The following STARD6 variants were observed in gnomAD, a reference collection of about 807,000 sequenced individuals.
STARD6 encodes StAR related lipid transfer domain containing 6, also known as stAR-related lipid transfer protein 6.
STARD6 carries 21 observed loss-of-function variants against 22.3 expected under a neutral mutation model. That is an observed-to-expected ratio of 0.94 (90% CI 0.67 to 1.35). The LOEUF (loss-of-function observed/expected upper bound fraction) is 1.35. Ranked by LOEUF, STARD6 falls within the 40% of genes most tolerant of loss-of-function variation. STARD6 has a pLI of 0.00. For synonymous variants in STARD6, 80 were observed against 88.1 expected (o/e 0.91, Z 0.52); for missense variants, 269 against 266.9 (o/e 1.01, Z -0.05).
intron 4 of STARD6, among the ~76,000 whole-genome samples, chr18:54,339,849 CCTTT>C (rs1757680571): frequency 1.3e-5 from 2 of 152,170 alleles, no homozygotes; most frequent in South Asian, 2.1e-4. Context: ...TATTTCTTCC[CCTTT>C]CTTCTATTAA....
chr18:54,331,741 C>A lies in STARD6; in HGVS notation c.385+1G>T, dbSNP rs188859007. ...GATATGGGCAAAATGTTTCAACTTACAACTGATAATGTTCATATTTCCTTC... is the reference window on the plus strand; with the variant it reads ...GATATGGGCAAAATGTTTCAACTTAAAACTGATAATGTTCATATTTCCTTC... On this transcript the variant is annotated splice_donor_variant, in intron 6 of 7. Transcript: ENST00000307844. LOFTEE classifies it high-confidence loss of function. The A allele has an allele frequency of 1.3e-6, 2 of 1,598,796 alleles. No homozygotes were observed. The highest frequency in any genetic ancestry group is 1.3e-5 in the African/African-American group (1 of 74,766).
At chr18:54,353,864 T>G (rs1385131465) in intron 4 of STARD6, 190 bp downstream of exon 4, 1 of 381,820 alleles carries the variant, frequency 2.6e-6, no homozygotes, top group African/African-American at 2.1e-5. Flanking sequence ...TCATCAGATT[T>G]GAAAATAGAA....
At chr18:54,354,330 G>A (rs2089124261) in intron 3 of STARD6, 154 bp downstream of exon 3, 1 of 686,594 alleles carries the variant, frequency 1.5e-6, no homozygotes, top group South Asian at 2.0e-5. Flanking sequence ...CTGTGCTCAA[G>A]CAGTCCTCCT....
intron 4 of STARD6, among the ~76,000 whole-genome samples, chr18:54,338,622 A>G (rs1314331073): frequency 6.6e-6 from 1 of 151,212 alleles, no homozygotes; most frequent in African/African-American, 2.4e-5. Context: ...ATTTTACCTA[A>G]AACGTTGTTT....
At chr18:54,347,971 C>T (rs973379932) in intron 4 of STARD6, among the ~76,000 whole-genome samples, 17 of 152,148 alleles carry the variant, frequency 1.1e-4, no homozygotes, top group African/African-American at 3.1e-4. Flanking sequence ...ATATTGTTCT[C>T]GTGGTAGTGA....
chr18:54,347,843 T>C (rs570555275), intron 4 of STARD6, among the ~76,000 whole-genome samples: 5 of 152,238 alleles, frequency 3.3e-5, no homozygotes, highest in African/African-American at 1.2e-4. Flanking sequence ...TAACCTGTGA[T>C]ATGGGTTGGT....
chr18:54,344,583 TAAAA>T (rs55736082), intron 4 of STARD6, among the ~76,000 whole-genome samples: 2 of 94,094 alleles, frequency 2.1e-5, no homozygotes, highest in South Asian at 3.8e-4. Context: ...AAAAATAAAT[TAAAA>T]AAAAAAAAAA....
Position 54,331,879 on chromosome 18 carries a change from A to G in STARD6, c.268-20T>C. 6.7e-7 allele frequency: 1 copy of G among 1,503,582 alleles called. No individual in the cohort carries two copies. Among genetic ancestry groups the G allele is most frequent in the Non-Finnish European group, 9.2e-7 (1 of 1,085,620 alleles). The allele number at this position is 1,503,582 out of a possible 1,614,324, so 93.1% of individuals were successfully genotyped here. A position where few individuals can be genotyped will look rare whatever the true frequency, so the allele number is the denominator to read the frequency against. On this transcript the variant is annotated intron_variant, in intron 5 of 7. Coordinates refer to ENST00000307844, the MANE Select transcript of STARD6 (RefSeq NM_139171.2). Reference sequence around the variant, plus strand: ...TGTGTCCTGCAACAAATCAAACCGTAAAGATAACAAACGTTACTTAATATC... The same window carrying G: ...TGTGTCCTGCAACAAATCAAACCGTGAAGATAACAAACGTTACTTAATATC...
At chr18:54,341,542 T>C (rs1038850441) in intron 4 of STARD6, among the ~76,000 whole-genome samples, 9 of 152,184 alleles carry the variant, frequency 5.9e-5, no homozygotes, top group African/African-American at 2.2e-4. Context: ...ATAAAACAAG[T>C]CTCAAATTCA....
At chr18:54,354,150 G>GA in intron 3 of STARD6, 47 bp from the exon 4 acceptor site, 1 of 1,224,456 alleles carries the variant, frequency 8.2e-7, no homozygotes, top group Non-Finnish European at 1.1e-6. Flanking sequence ...TCAAATGCAG[G>GA]AAAAATGAAA....
In STARD6 at chr18:54,339,103, T is replaced by G. The variant is rs542150058; in HGVS notation, c.141-1852A>C. On this transcript the variant is annotated intron_variant, in intron 4 of 7. Coordinates refer to ENST00000307844, the MANE Select transcript of STARD6 (RefSeq NM_139171.2). ...AAACTCAAAGCAATGATTGTAAATA[T>G]GTTCAAAGAACTAACGAAAGCAGGA... Among the ~76,000 whole-genome samples the G allele has an allele frequency of 3.9e-5, 4 of 102,784 alleles. No homozygotes were observed. The East Asian group carries it at 1.0e-3, about 26-fold the overall frequency. The allele number at this position is 102,784 out of a possible 152,430, so 67.4% of individuals were successfully genotyped here.
chr18:54,324,720 C>CG lies in STARD6; in HGVS notation c.634dup (p.Arg212ProfsTer6). ...TGAATGACTATTATGATGAAATCCA[C>CG]GTCTTGATGGAGTTCTGTGTGCCTT... On this transcript the variant is annotated frameshift_variant, in exon 8 of 8. Transcript: ENST00000307844. LOFTEE classifies it low-confidence loss of function (END_TRUNC). 1 of 1,613,094 alleles carries CG rather than the reference C, an allele frequency of 6.2e-7. No homozygotes were observed. The highest frequency in any genetic ancestry group is 8.5e-7 in the Non-Finnish European group (1 of 1,179,536).
At chr18:54,338,249 C>A (rs1235121702) in intron 4 of STARD6, among the ~76,000 whole-genome samples, 3 of 152,178 alleles carry the variant, frequency 2.0e-5, no homozygotes, top group Admixed American at 6.5e-5. Flanking sequence ...GAAGGCTGCA[C>A]CCTCTGAGGA....
At chr18:54,343,397 C>T (rs1268882738) in intron 4 of STARD6, among the ~76,000 whole-genome samples, 5 of 143,554 alleles carry the variant, frequency 3.5e-5, no homozygotes, top group South Asian at 2.3e-4. Context: ...CCCGGCCAGC[C>T]GTGCCATCCG....
At chr18:54,343,397 C>A (rs1268882738) in intron 4 of STARD6, among the ~76,000 whole-genome samples, 1 of 143,646 alleles carries the variant, frequency 7.0e-6, no homozygotes, top group East Asian at 2.1e-4. Flanking sequence ...CCCGGCCAGC[C>A]GTGCCATCCG....
At chr18:54,342,359 A>G (rs2144682519) in intron 4 of STARD6, among the ~76,000 whole-genome samples, 2 of 152,252 alleles carry the variant, frequency 1.3e-5, no homozygotes, top group South Asian at 4.1e-4. Flanking sequence ...AAGAGGAGGA[A>G]ACATTTCCCA....
intron 6 of STARD6, among the ~76,000 whole-genome samples, chr18:54,331,251 G>A (rs1433370455): frequency 6.6e-6 from 1 of 152,060 alleles, no homozygotes; most frequent in Non-Finnish European, 1.5e-5. Context: ...TTACACATTT[G>A]CATTTTACAG....
At chr18:54,349,478 TA>T (rs1169581147) in intron 4 of STARD6, among the ~76,000 whole-genome samples, 3 of 152,124 alleles carry the variant, frequency 2.0e-5, no homozygotes, top group African/African-American at 7.2e-5. Flanking sequence ...GGGGCCCAGA[TA>T]GTTACCTGCA....
chr18:54,341,116 A>G (rs2088964614), intron 4 of STARD6, among the ~76,000 whole-genome samples: 1 of 152,104 alleles, frequency 6.6e-6, no homozygotes, highest in Admixed American at 6.5e-5. Flanking sequence ...AGGGCATGCA[A>G]TGGCGCGATC....
Sources: gnomAD v4.1 joint callset for allele counts (sites outside exome capture counted in the v4.1 genomes callset) on GRCh38, gnomAD v4.1.1 for gene constraint, MANE v1.5 for transcripts, NCBI Gene and HGNC (gene_info 2026-07-23, HGNC 2026-07-21) for gene names.